SCMH1: variants seen among roughly 807,000 people sequenced by gnomAD.
The protein encoded by SCMH1 is polycomb protein SCMH1.
SCMH1 carries 37 observed loss-of-function variants against 70.8 expected under a neutral mutation model. The ratio of observed to expected loss-of-function variants is 0.52; its 90% CI spans 0.40 to 0.69. The LOEUF (loss-of-function observed/expected upper bound fraction) is 0.69, where lower values mean the gene tolerates loss of function less well. SCMH1 is among the 30% of genes least tolerant of loss of function. The probability of loss-of-function intolerance (pLI) is 0.00; values close to 1 mark genes in which losing one functional copy is unlikely to be tolerated. For missense variants in SCMH1, 607 were observed against 827.3 expected, an observed-to-expected ratio of 0.73 and a Z score of 3.27; for synonymous variants, 292 against 307.4, an observed-to-expected ratio of 0.95 and a Z score of 0.52.
chr1:41,054,947 C>G (rs1466728552), intron 10 of SCMH1, among the ~76,000 whole-genome samples: 1 of 152,148 alleles, frequency 6.6e-6, no homozygotes, highest in Non-Finnish European at 1.5e-5. Flanking sequence ...TCATGCCCAA[C>G]TAATTTTTAC....
chr1:41,223,673 G>A (rs1408633011), intron 1 of SCMH1, among the ~76,000 whole-genome samples: 1 of 152,024 alleles, frequency 6.6e-6, no homozygotes, highest in African/African-American at 2.4e-5. Context: ...TGTATATGAT[G>A]CAAGCTAATT....
intron 12 of SCMH1, among the ~76,000 whole-genome samples, chr1:41,042,746 A>G (rs975363289): frequency 7.9e-5 from 12 of 151,852 alleles, no homozygotes; most frequent in Admixed American, 1.3e-4. Flanking sequence ...ACATATCTCT[A>G]CCTGTCTCAG....
intron 1 of SCMH1, among the ~76,000 whole-genome samples, chr1:41,225,985 T>TCACCTTGAACCTCCTGGTATCCCTG (rs1557868092): frequency 2.6e-5 from 4 of 152,192 alleles, no homozygotes; most frequent in Non-Finnish European, 5.9e-5. Flanking sequence ...CCACCCTGCC[T>TCACCTTGAACCTCCTGGTATCCCTG]CACCTTGAAC....
chr1:41,241,135 CG>C (rs1663423273), intron 1 of SCMH1, among the ~76,000 whole-genome samples: 1 of 152,212 alleles, frequency 6.6e-6, no homozygotes, highest in South Asian at 2.1e-4. Flanking sequence ...AGATTCGCTT[CG>C]GATCACTGGA....
At chr1:41,176,563 T>C (rs558992947) in intron 2 of SCMH1, among the ~76,000 whole-genome samples, 1 of 152,274 alleles carries the variant, frequency 6.6e-6, no homozygotes, top group East Asian at 1.9e-4. Context: ...AATACTGCGC[T>C]TTTCCAATGG....
In SCMH1 at chr1:41,229,588, C is replaced by T. The variant is rs184366376; in HGVS notation, c.-118+12471G>A. On this transcript the variant is annotated intron_variant, in intron 1 of 14. Transcript: ENST00000337495. ...GGGAACAGCACACACCAGGGCCTGT[C>T]GGAGGGTAGAGGGCTGGGGGAGGGA... Among the ~76,000 whole-genome samples, 957 of 152,054 alleles carry T rather than the reference C, an allele frequency of 6.3e-3. 6 individuals carry two copies. The highest frequency in any genetic ancestry group is 0.021 in the African/African-American group (877 of 41,462).
At chr1:41,180,866 C>T (rs1372486737) in intron 2 of SCMH1, among the ~76,000 whole-genome samples, 1 of 152,096 alleles carries the variant, frequency 6.6e-6, no homozygotes, top group East Asian at 1.9e-4. Context: ...TCACATGGAA[C>T]CAAAAAAGAG....
At chr1:41,157,599 A>G (rs1645658412) in intron 4 of SCMH1, among the ~76,000 whole-genome samples, 4 of 152,226 alleles carry the variant, frequency 2.6e-5, no homozygotes, top group Admixed American at 2.0e-4. Flanking sequence ...CCAGGCAGAT[A>G]TCCTGATATG....
chr1:41,163,763 C>T (rs970726305), intron 2 of SCMH1, among the ~76,000 whole-genome samples: 2 of 152,084 alleles, frequency 1.3e-5, no homozygotes, highest in Admixed American at 6.6e-5. Flanking sequence ...GTTTAAGCCA[C>T]CTAGTCCATG....
intron 1 of SCMH1, among the ~76,000 whole-genome samples, chr1:41,201,433 T>TCC (rs947104721): frequency 3.3e-5 from 5 of 152,206 alleles, no homozygotes; most frequent in Admixed American, 6.5e-5. Flanking sequence ...CTTAGTGCCT[T>TCC]CCCAGGTGGG....
intron 1 of SCMH1, among the ~76,000 whole-genome samples, chr1:41,229,197 C>T (rs1166399385): frequency 1.4e-5 from 2 of 139,626 alleles, no homozygotes; most frequent in Non-Finnish European, 3.3e-5. Flanking sequence ...ACTCCAACCC[C>T]CTACCAAAAA....
chr1:41,106,857 T>G (rs1229526784), intron 8 of SCMH1, among the ~76,000 whole-genome samples: 1 of 151,734 alleles, frequency 6.6e-6, no homozygotes, highest in Non-Finnish European at 1.5e-5. Context: ...ACCTGGCTAA[T>G]TTTTGTATTT....
intron 8 of SCMH1, among the ~76,000 whole-genome samples, chr1:41,082,771 C>T: frequency 6.6e-6 from 1 of 152,158 alleles, no homozygotes; most frequent in Non-Finnish European, 1.5e-5. Context: ...AAAAGCTTAT[C>T]CACCATGATC....
intron 11 of SCMH1, among the ~76,000 whole-genome samples, chr1:41,046,911 C>T (rs904356548): frequency 5.3e-5 from 8 of 152,154 alleles, no homozygotes; most frequent in African/African-American, 1.7e-4. Flanking sequence ...CTTGGTTGGA[C>T]CTCCCCCAGG....
At chr1:41,159,874 T>C in intron 4 of SCMH1, 1 of 1,264,058 alleles carries the variant, frequency 7.9e-7, no homozygotes, top group South Asian at 2.8e-5. Context: ...AGTTGAAAAG[T>C]ATTTGAGAGT....
intron 1 of SCMH1, among the ~76,000 whole-genome samples, chr1:41,200,801 G>T (rs903099356): frequency 1.3e-5 from 2 of 152,146 alleles, no homozygotes; most frequent in African/African-American, 2.4e-5. Flanking sequence ...CTGGAGTGAA[G>T]ATTTGAATGC....
intron 9 of SCMH1, 79 bp from the exon 10 acceptor site, chr1:41,070,800 T>A: frequency 6.6e-7 from 1 of 1,526,090 alleles, no homozygotes; most frequent in Non-Finnish European, 8.9e-7. Flanking sequence ...AATTCACTCA[T>A]GAAGCAAAAA....
intron 10 of SCMH1, among the ~76,000 whole-genome samples, chr1:41,062,810 T>C (rs1021923136): frequency 2.0e-5 from 3 of 148,528 alleles, no homozygotes; most frequent in African/African-American, 7.5e-5. Context: ...TCCCAGCTGC[T>C]TGGGAAGCTG....
At chr1:41,241,253 T>C (rs965139400) in intron 1 of SCMH1, among the ~76,000 whole-genome samples, 2 of 152,220 alleles carry the variant, frequency 1.3e-5, no homozygotes, top group African/African-American at 4.8e-5. Context: ...TTAAATTCTC[T>C]TCCAGTCAGG....
Sources: allele counts gnomAD v4.1 joint callset (sites outside exome capture counted in the v4.1 genomes callset), GRCh38; gene constraint gnomAD v4.1.1; transcripts MANE v1.5; gene names NCBI Gene and HGNC (gene_info 2026-07-23, HGNC 2026-07-21).